PLCH1: variants seen among roughly 807,000 people sequenced by gnomAD.
PLCH1 encodes the protein phospholipase C eta 1.
A neutral mutation model predicts 126.7 loss-of-function variants in PLCH1; 60 were observed. The observed-to-expected ratio is 0.47, with a 90% CI of 0.38 to 0.59. PLCH1 has a LOEUF of 0.59. PLCH1 is among the 20% of genes least tolerant of loss of function. The pLI is 0.00. For synonymous variants in PLCH1, 719 were observed against 734.9 expected (o/e 0.98, Z 0.35); for missense variants, 1,723 against 2,040.0 (o/e 0.84, Z 2.99).
chr3:155,684,825 T>C (rs1226919222), intron 2 of PLCH1, among the ~76,000 whole-genome samples: 1 of 152,222 alleles, frequency 6.6e-6, no homozygotes, highest in African/African-American at 2.4e-5. Context: ...AAAGTAGCTC[T>C]TCTCCACAAC....
In PLCH1 at chr3:155,665,124, G is replaced by A. The variant is rs143145259; in HGVS notation, c.79+39022C>T. Reference sequence around the variant, plus strand: ...TCTTTTCTCCTTCCATTTGGCCAGAGGAGGTACTCCTAGGGTAATCTTTTG... The same window carrying A: ...TCTTTTCTCCTTCCATTTGGCCAGAAGAGGTACTCCTAGGGTAATCTTTTG... On this transcript the variant is annotated intron_variant, in intron 2 of 22. Coordinates refer to ENST00000460012, the MANE Select transcript of PLCH1 (RefSeq NM_014996.4). Among the ~76,000 whole-genome samples, 12 of 152,210 alleles carry A rather than the reference G, an allele frequency of 7.9e-5. No individual in the cohort carries two copies. In the East Asian group the frequency reaches 1.5e-3, roughly 20 times the overall value.
chr3:155,684,891 T>C (rs1427812982), intron 2 of PLCH1, among the ~76,000 whole-genome samples: 2 of 152,210 alleles, frequency 1.3e-5, no homozygotes, highest in Non-Finnish European at 2.9e-5. Flanking sequence ...CCTTACCTCT[T>C]TAGCCTTTCT....
At chr3:155,551,444 GAAAAAAAAAAAAAAAA>G (rs59794505) in intron 9 of PLCH1, among the ~76,000 whole-genome samples, 36 of 42,086 alleles carry the variant, frequency 8.6e-4, no homozygotes, top group African/African-American at 3.4e-3. Context: ...GGCTGCCTCA[GAAAAAAAAAAAAAAAA>G]AAAAAAAAAA....
chr3:155,458,578 GAAA>G (rs1560027633), intron 21 of PLCH1, among the ~76,000 whole-genome samples: 2 of 150,262 alleles, frequency 1.3e-5, no homozygotes, highest in African/African-American at 5.0e-5. Flanking sequence ...AAGAAAGAAA[GAAA>G]GGAAGAAAGA....
intron 1 of PLCH1, 28 bp downstream of exon 1, chr3:155,744,812 G>A (rs189935952): frequency 6.6e-6 from 1 of 152,442 alleles, no homozygotes; most frequent in African/African-American, 2.4e-5. Context: ...TTCTCTCCTG[G>A]GCCCCTTCTT....
chr3:155,610,379 A>AAG (rs1251230325), intron 2 of PLCH1, among the ~76,000 whole-genome samples: 4 of 149,792 alleles, frequency 2.7e-5, no homozygotes, highest in African/African-American at 9.8e-5. Flanking sequence ...AAAAAAAAAA[A>AAG]AAAAAAAAAA....
At chr3:155,551,830 T>C (rs1467868805) in intron 9 of PLCH1, among the ~76,000 whole-genome samples, 1 of 152,174 alleles carries the variant, frequency 6.6e-6, no homozygotes, top group African/African-American at 2.4e-5. Context: ...GTTTATTAAC[T>C]CTTTTAATTT....
intron 6 of PLCH1, among the ~76,000 whole-genome samples, chr3:155,579,958 C>T (rs1441230685): frequency 1.3e-5 from 2 of 152,004 alleles, no homozygotes; most frequent in Admixed American, 6.6e-5. Context: ...CAATAAACAA[C>T]AGAAAAACAG....
At chr3:155,548,555 T>C (rs1156567518) in intron 10 of PLCH1, among the ~76,000 whole-genome samples, 4 of 152,200 alleles carry the variant, frequency 2.6e-5, no homozygotes, top group Non-Finnish European at 5.9e-5. Context: ...GGAGAAAGAT[T>C]TCAATCAAAT....
chr3:155,637,583 T>C (rs761684950), intron 2 of PLCH1, among the ~76,000 whole-genome samples: 1 of 152,224 alleles, frequency 6.6e-6, no homozygotes, highest in African/African-American at 2.4e-5. Flanking sequence ...GCCCTTTTGC[T>C]ATGGAAAATG....
chr3:155,470,816 C>T (rs1197597760), intron 21 of PLCH1, among the ~76,000 whole-genome samples: 1 of 151,798 alleles, frequency 6.6e-6, no homozygotes, highest in African/African-American at 2.4e-5. Context: ...ATTTCATATC[C>T]AGCCAAACTA....
chr3:155,527,293 G>T (rs1722078340), intron 10 of PLCH1, among the ~76,000 whole-genome samples: 1 of 152,194 alleles, frequency 6.6e-6, no homozygotes, highest in African/African-American at 2.4e-5. Flanking sequence ...ATCCCAGGCT[G>T]ATCTCTAAAC....
intron 3 of PLCH1, among the ~76,000 whole-genome samples, chr3:155,594,480 G>C (rs939766228): frequency 6.6e-6 from 1 of 152,100 alleles, no homozygotes; most frequent in African/African-American, 2.4e-5. Context: ...GGCTGAGGCA[G>C]GAGAATTGCT....
At chr3:155,566,954 C>T (rs1270823478) in intron 7 of PLCH1, among the ~76,000 whole-genome samples, 3 of 152,110 alleles carry the variant, frequency 2.0e-5, no homozygotes, top group African/African-American at 4.8e-5. Context: ...GGTTTAATTC[C>T]ATCTTTTCAG....
intron 6 of PLCH1, among the ~76,000 whole-genome samples, chr3:155,571,446 T>C (rs1244754738): frequency 6.6e-6 from 1 of 152,210 alleles, no homozygotes; most frequent in Non-Finnish European, 1.5e-5. Flanking sequence ...AGTCTTGCCC[T>C]GTCACCCAGG....
intron 17 of PLCH1, among the ~76,000 whole-genome samples, chr3:155,493,767 T>C (rs886649440): frequency 5.3e-5 from 8 of 152,164 alleles, no homozygotes; most frequent in African/African-American, 1.7e-4. Flanking sequence ...TCAGGTGGAA[T>C]TGAAGCTTCC....
chr3:155,669,107 C>G (rs1165156455), intron 2 of PLCH1, among the ~76,000 whole-genome samples: 1 of 151,606 alleles, frequency 6.6e-6, no homozygotes, highest in African/African-American at 2.4e-5. Context: ...CACAGTTATG[C>G]CCGAGGAGTG....
At chr3:155,536,022 C>T (rs1264040562) in intron 10 of PLCH1, among the ~76,000 whole-genome samples, 1 of 152,156 alleles carries the variant, frequency 6.6e-6, no homozygotes, top group African/African-American at 2.4e-5. Flanking sequence ...TTCCTGAGTA[C>T]CAGGCTGGAG....
At chr3:155,580,476 A>G (rs1354311995) in intron 6 of PLCH1, among the ~76,000 whole-genome samples, 1 of 152,166 alleles carries the variant, frequency 6.6e-6, no homozygotes, top group African/African-American at 2.4e-5. Flanking sequence ...TGAATCTATA[A>G]GCAGCATTTA....
Sources: allele counts gnomAD v4.1 joint callset (sites outside exome capture counted in the v4.1 genomes callset), GRCh38; gene constraint gnomAD v4.1.1; transcripts MANE v1.5; gene names NCBI Gene and HGNC (gene_info 2026-07-23, HGNC 2026-07-21).